The following ROBO1 variants were observed in gnomAD, a reference collection of about 807,000 sequenced individuals.
ROBO1 encodes roundabout guidance receptor 1.
Under a neutral mutation model 195.9 loss-of-function variants are expected in ROBO1, and 149 were observed. That is an observed-to-expected ratio of 0.76 (90% CI 0.67 to 0.87). The LOEUF (loss-of-function observed/expected upper bound fraction) is 0.87. ROBO1 is among the 40% of genes least tolerant of loss of function. ROBO1 has a pLI of 0.00. For synonymous variants in ROBO1, 816 were observed against 733.2 expected (o/e 1.11, Z -1.82); for missense variants, 1,933 against 2,068.3 (o/e 0.93, Z 1.27).
chr3:79,745,572 C>T (rs1311654069), intron 1 of ROBO1, among the ~76,000 whole-genome samples: 1 of 152,116 alleles, frequency 6.6e-6, no homozygotes, highest in African/African-American at 2.4e-5. Flanking sequence ...ATGCTTCTTA[C>T]AGGTTGTGTC....
At chr3:78,914,541 C>CT (rs1343011752) in intron 4 of ROBO1, among the ~76,000 whole-genome samples, 2 of 151,836 alleles carry the variant, frequency 1.3e-5, no homozygotes, top group Non-Finnish European at 2.9e-5. Flanking sequence ...AAGTATTTCC[C>CT]TGACACTACT....
chr3:79,291,725 T>C (rs1040029753), intron 2 of ROBO1, among the ~76,000 whole-genome samples: 7 of 152,202 alleles, frequency 4.6e-5, no homozygotes, highest in African/African-American at 1.7e-4. Context: ...TGGTTACTTT[T>C]GGGCACACTA....
rs1705078703 is a variant in ROBO1 at position 79,767,824 on chromosome 3, C to T, written c.-123G>A. ...CGCAGCCCTGCAACTTTGCTGTGCACTGAGACCTTTCCGAGTTTAAACCAA... is the reference window on the plus strand; with the variant it reads ...CGCAGCCCTGCAACTTTGCTGTGCATTGAGACCTTTCCGAGTTTAAACCAA... On this transcript the variant is annotated 5_prime_UTR_variant, in exon 1 of 31. It adds an upstream start codon to the 5' untranslated region. Coordinates refer to ENST00000464233, the MANE Select transcript of ROBO1 (RefSeq NM_002941.4). The T allele has an allele frequency of 6.6e-6, 1 of 152,206 alleles. No individual in the cohort carries two copies. The highest frequency in any genetic ancestry group is 2.4e-5 in the African/African-American group (1 of 41,440). 9.4% of individuals were successfully genotyped at this position (152,206 alleles called of 1,614,324 possible).
intron 2 of ROBO1, among the ~76,000 whole-genome samples, chr3:79,149,623 T>C (rs1401093180): frequency 6.6e-6 from 1 of 151,656 alleles, no homozygotes; most frequent in Non-Finnish European, 1.5e-5. Flanking sequence ...TCGGCCTCAG[T>C]GGTTTGGTGG....
chr3:79,390,006 G>A (rs554206221), intron 2 of ROBO1, among the ~76,000 whole-genome samples: 1 of 152,224 alleles, frequency 6.6e-6, no homozygotes, highest in South Asian at 2.1e-4. Context: ...TAATGATGAT[G>A]TAAAGAGGTG....
intron 1 of ROBO1, among the ~76,000 whole-genome samples, chr3:79,671,201 A>C (rs1485757934): frequency 6.6e-6 from 1 of 151,894 alleles, no homozygotes; most frequent in East Asian, 1.9e-4. Flanking sequence ...ACATTATGTT[A>C]GAAGGAAAAG....
At chr3:79,604,509 T>C (rs890898032) in intron 1 of ROBO1, among the ~76,000 whole-genome samples, 1 of 151,946 alleles carries the variant, frequency 6.6e-6, no homozygotes, top group South Asian at 2.1e-4. Context: ...TTTAAATGAG[T>C]TTTGAGGTGG....
chr3:79,009,371 T>G (rs2108199499), intron 3 of ROBO1, among the ~76,000 whole-genome samples: 1 of 152,230 alleles, frequency 6.6e-6, no homozygotes, highest in Non-Finnish European at 1.5e-5. Flanking sequence ...TGGGGAAAGC[T>G]TCAATCTTCA....
chr3:79,625,736 A>T (rs1050245973), intron 1 of ROBO1, among the ~76,000 whole-genome samples: 4 of 152,176 alleles, frequency 2.6e-5, no homozygotes, highest in Non-Finnish European at 5.9e-5. Flanking sequence ...AACCAAAAAA[A>T]GACGAGGACC....
At chr3:79,059,551 G>A (rs999715598) in intron 3 of ROBO1, among the ~76,000 whole-genome samples, 11 of 151,994 alleles carry the variant, frequency 7.2e-5, no homozygotes, top group South Asian at 4.1e-4. Context: ...CAGAGGGACC[G>A]GCTGAAGCCA....
intron 1 of ROBO1, among the ~76,000 whole-genome samples, chr3:79,617,392 A>G (rs1458657208): frequency 6.6e-6 from 1 of 152,162 alleles, no homozygotes; most frequent in African/African-American, 2.4e-5. Context: ...ATATAGTGAG[A>G]TGGTTCATAT....
At chr3:79,202,679 C>T (rs114820088) in intron 2 of ROBO1, among the ~76,000 whole-genome samples, 59 of 151,330 alleles carry the variant, frequency 3.9e-4, no homozygotes, top group African/African-American at 1.4e-3. Flanking sequence ...CAGCATGGCC[C>T]ATATGCTTTC....
intron 2 of ROBO1, among the ~76,000 whole-genome samples, chr3:79,254,436 T>C (rs1390985111): frequency 1.3e-5 from 2 of 151,802 alleles, no homozygotes; most frequent in Non-Finnish European, 2.9e-5. Flanking sequence ...TCTTTTCCGC[T>C]AGAGAAAGGA....
chr3:79,517,542 G>A (rs932667013), intron 2 of ROBO1, among the ~76,000 whole-genome samples: 1 of 151,940 alleles, frequency 6.6e-6, no homozygotes, highest in African/African-American at 2.4e-5. Context: ...ATTCTTTCTG[G>A]TCCACCTCCT....
intron 3 of ROBO1, among the ~76,000 whole-genome samples, chr3:78,984,973 T>A (rs1226792274): frequency 6.6e-6 from 1 of 152,146 alleles, no homozygotes; most frequent in African/African-American, 2.4e-5. Flanking sequence ...AAGATGAGGA[T>A]GAAGACTTTA....
At chr3:78,884,449 C>CA (rs1003463432) in intron 4 of ROBO1, among the ~76,000 whole-genome samples, 5 of 150,858 alleles carry the variant, frequency 3.3e-5, no homozygotes, top group African/African-American at 7.3e-5. Context: ...TTGTCCTCTG[C>CA]AAAAAAAATT....
intron 21 of ROBO1, 131 bp downstream of exon 21, chr3:78,646,017 T>C: frequency 1.3e-6 from 1 of 759,092 alleles, no homozygotes; most frequent in Non-Finnish European, 2.2e-6. Context: ...CTGAATGGAG[T>C]CTTCGTCAAG....
chr3:79,160,702 C>A (rs1204692911), intron 2 of ROBO1, among the ~76,000 whole-genome samples: 1 of 151,978 alleles, frequency 6.6e-6, no homozygotes, highest in Non-Finnish European at 1.5e-5. Flanking sequence ...TATTTAGAAA[C>A]CTCATGTGAT....
chr3:78,891,029 A>C (rs1335443755), intron 4 of ROBO1, among the ~76,000 whole-genome samples: 1 of 152,316 alleles, frequency 6.6e-6, no homozygotes, highest in Non-Finnish European at 1.5e-5. Flanking sequence ...TTAAAACAGT[A>C]ATTTCCACCC....
Sources: allele counts gnomAD v4.1 joint callset (sites outside exome capture counted in the v4.1 genomes callset), GRCh38; gene constraint gnomAD v4.1.1; transcripts MANE v1.5; gene names NCBI Gene and HGNC (gene_info 2026-07-23, HGNC 2026-07-21).